The following C18orf32 variants were observed in gnomAD, a reference collection of about 807,000 sequenced individuals.
The protein encoded by C18orf32 is UPF0729 protein C18orf32.
Under a neutral mutation model 7.4 loss-of-function variants are expected in C18orf32, and 5 were observed. The ratio of observed to expected loss-of-function variants is 0.68; its 90% CI spans 0.35 to 1.42. C18orf32 has a LOEUF of 1.42. Among genes scored for constraint, C18orf32 ranks in the 40% most tolerant of loss-of-function variants. The probability of loss-of-function intolerance (pLI) is 0.04; values close to 1 mark genes in which losing one functional copy is unlikely to be tolerated. For missense variants in C18orf32, 88 were observed against 92.4 expected (o/e 0.95, Z 0.19); for synonymous variants, 30 against 29.3 (o/e 1.02, Z -0.08).
Position 49,479,704 on chromosome 18 carries a change from A to C in C18orf32, c.*2641T>G, listed in dbSNP as rs1201222439. On this transcript the variant is annotated 3_prime_UTR_variant, in exon 3 of 3. Transcript: ENST00000318240. ...TGGCCTGAGGTGACCTTGCAGAGAG[A>C]GGGCCAAGGGAATAAACACTCTGCC... is the stretch of plus-strand genomic sequence containing the variant. 2 of 152,202 alleles carry C rather than the reference A, an allele frequency of 1.3e-5. No individual in the cohort carries two copies. Among genetic ancestry groups the C allele is most frequent in the Admixed American group, 1.3e-4 (2 of 15,268 alleles). 9.4% of individuals were successfully genotyped at this position (152,202 alleles called of 1,614,324 possible). A position where few individuals can be genotyped will look rare whatever the true frequency, so the allele number is the denominator to read the frequency against.
rs1371172031 is a variant in C18orf32, at chr18:49,481,966, C to CA, written c.*378dup. On this transcript the variant is annotated 3_prime_UTR_variant, in exon 3 of 3. Coordinates refer to ENST00000318240, the MANE Select transcript of C18orf32 (RefSeq NM_001035005.4). Reference sequence around the variant, plus strand: ...ACTGTTTCACAACAAAATTGTACTCCACTCAAATTAGAAGAGCCCAAAGAA... The same window carrying CA: ...ACTGTTTCACAACAAAATTGTACTCCAACTCAAATTAGAAGAGCCCAAAGAA... 3 of 207,694 alleles carry CA rather than the reference C, an allele frequency of 1.4e-5. No homozygotes were observed. Among genetic ancestry groups the CA allele is most frequent in the African/African-American group, 4.8e-5 (2 of 41,794 alleles). 12.9% of individuals were successfully genotyped at this position (207,694 alleles called of 1,614,324 possible). A position where few individuals can be genotyped will look rare whatever the true frequency, so the allele number is the denominator to read the frequency against.
rs910878270 is a variant in C18orf32, at chr18:49,477,957, T to C, written c.*4388A>G. The stretch of plus-strand genomic sequence containing the variant: ...TATATATATATACACTATATATATA[T>C]GTAGCTGTGATGGCTCCTTAGCATG... On this transcript the variant is annotated 3_prime_UTR_variant, in exon 3 of 3. Coordinates refer to ENST00000318240, the MANE Select transcript of C18orf32 (RefSeq NM_001035005.4). 2.0e-5 allele frequency: 3 copies of C among 147,256 alleles called. No homozygotes were observed. Among genetic ancestry groups the C allele is most frequent in the Non-Finnish European group, 3.0e-5 (2 of 67,662 alleles). The allele number at this position is 147,256 out of a possible 1,614,324, so 9.1% of individuals were successfully genotyped here.
At chr18:49,482,903 A>C (rs954703389) in intron 2 of C18orf32, among the ~76,000 whole-genome samples, 3 of 151,302 alleles carry the variant, frequency 2.0e-5, no homozygotes, top group African/African-American at 7.3e-5. Context: ...GGTTCAAGCA[A>C]TTCTCCCACC....
At position 49,482,471 on chromosome 18, in the gene C18orf32, G is replaced by A; in HGVS notation, c.166-61C>T. On this transcript the variant is annotated intron_variant, in intron 2 of 2. Coordinates refer to ENST00000318240, the MANE Select transcript of C18orf32 (RefSeq NM_001035005.4). ...AAGCCGGGTGCGGTGGCTTATGCCTGTAATCCCAGCACTTTGGGAGGCTGA... is the reference window on the plus strand; with the variant it reads ...AAGCCGGGTGCGGTGGCTTATGCCTATAATCCCAGCACTTTGGGAGGCTGA... 5.0e-6 allele frequency: 6 copies of A among 1,199,760 alleles called. No individual in the cohort carries two copies. The South Asian group carries it at 6.2e-5, about 12-fold the overall frequency. The allele number at this position is 1,199,760 out of a possible 1,614,324, so 74.3% of individuals were successfully genotyped here. A position where few individuals can be genotyped will look rare whatever the true frequency, so the allele number is the denominator to read the frequency against.
rs1198515479 is a variant in C18orf32, at chr18:49,477,965, T to C, written c.*4380A>G. ...TATACACTATATATATATGTAGCTG[T>C]GATGGCTCCTTAGCATGAAAGTATG... On this transcript the variant is annotated 3_prime_UTR_variant, in exon 3 of 3. Transcript: ENST00000318240. 1 of 147,756 alleles carries C rather than the reference T, an allele frequency of 6.8e-6. No homozygotes were observed. Among genetic ancestry groups the C allele is most frequent in the Non-Finnish European group, 1.5e-5 (1 of 67,808 alleles). 9.2% of individuals were successfully genotyped at this position (147,756 alleles called of 1,614,324 possible). A position where few individuals can be genotyped will look rare whatever the true frequency, so the allele number is the denominator to read the frequency against.
rs1182709640 is a variant in C18orf32 at position 49,484,151 on chromosome 18, TATATATATATATATATACACAC to T, written c.-23-402_-23-381del. Among the ~76,000 whole-genome samples the T allele has an allele frequency of 5.0e-5, 3 of 60,408 alleles. No homozygotes were observed. The South Asian group carries it at 1.3e-3, about 27-fold the overall frequency. The allele number at this position is 60,408 out of a possible 152,430, so 39.6% of individuals were successfully genotyped here. A position where few individuals can be genotyped will look rare whatever the true frequency, so the allele number is the denominator to read the frequency against. ...CTCAAAAAAAGAAAAAAAAAAAATA[TATATATATATATATATACACAC>T]ACACACACACACACACACACACACA... On this transcript the variant is annotated intron_variant, in intron 1 of 2. Transcript: ENST00000318240.
intron 1 of C18orf32, chr18:49,486,088 A>G (rs1486471212): frequency 6.8e-6 from 1 of 148,066 alleles, no homozygotes; most frequent in Non-Finnish European, 1.5e-5. Context: ...CTCAAGATTA[A>G]AAAAAAAAAA....
At chr18:49,484,138 A>AG (rs1555769343) in intron 1 of C18orf32, among the ~76,000 whole-genome samples, 1 of 76,966 alleles carries the variant, frequency 1.3e-5, no homozygotes, top group Non-Finnish European at 2.4e-5. Flanking sequence ...CAAAAAAAGA[A>AG]AAAAAAAAAA....
chr18:49,482,604 A>G (rs1238543773), intron 2 of C18orf32, among the ~76,000 whole-genome samples, 194 bp from the exon 3 acceptor site: 3 of 151,840 alleles, frequency 2.0e-5, no homozygotes, highest in Non-Finnish European at 4.4e-5. Context: ...GCATGTGCCT[A>G]TAATCCCAGC....
chr18:49,487,228 T>G lies in C18orf32; in HGVS notation c.-209A>C, dbSNP rs988883911. The stretch of plus-strand genomic sequence containing the variant: ...TCACCCGCGACCGCGGAAACGCAGC[T>G]GACAATGTCCGCACTTCCGGAGGGA... On this transcript the variant is annotated 5_prime_UTR_variant, in exon 1 of 3. Transcript: ENST00000318240. 2.0e-5 allele frequency: 3 copies of G among 153,212 alleles called. No individual in the cohort carries two copies. The highest frequency in any genetic ancestry group is 4.8e-5 in the African/African-American group (2 of 41,452). 9.5% of individuals were successfully genotyped at this position (153,212 alleles called of 1,614,324 possible). A position where few individuals can be genotyped will look rare whatever the true frequency, so the allele number is the denominator to read the frequency against.
At chr18:49,482,845 C>CTGGA (rs1167625559) in intron 2 of C18orf32, among the ~76,000 whole-genome samples, 2 of 142,922 alleles carry the variant, frequency 1.4e-5, no homozygotes, top group Non-Finnish European at 3.0e-5. Flanking sequence ...GTCACCCAGG[C>CTGGA]TGGAGTGCAA....
In C18orf32 at chr18:49,479,487, A is replaced by C. The variant is rs2083643443; in HGVS notation, c.*2858T>G. ...GTGCAGTGAGCAATAGTATTCTCCC[A>C]GGCAGTGTCCCAGCAAGCCAGATAG... On this transcript the variant is annotated 3_prime_UTR_variant, in exon 3 of 3. Transcript: ENST00000318240. 1 of 152,552 alleles carries C rather than the reference A, an allele frequency of 6.6e-6. No individual in the cohort carries two copies. The highest frequency in any genetic ancestry group is 1.5e-5 in the Non-Finnish European group (1 of 68,306). The allele number at this position is 152,552 out of a possible 1,614,324, so 9.4% of individuals were successfully genotyped here.
rs2083638974 is a variant in C18orf32 at position 49,478,910 on chromosome 18, G to C, written c.*3435C>G. On this transcript the variant is annotated 3_prime_UTR_variant, in exon 3 of 3. Coordinates refer to ENST00000318240, the MANE Select transcript of C18orf32 (RefSeq NM_001035005.4). ...GGCTATTTTTGTCCACTATTCCCAT[G>C]TTCTTTTTCACTCTTCTGGTGTCAA... The C allele has an allele frequency of 7.1e-6, 1 of 140,788 alleles. No homozygotes were observed. Among genetic ancestry groups the C allele is most frequent in the African/African-American group, 3.2e-5 (1 of 30,838 alleles). The allele number at this position is 140,788 out of a possible 1,614,324, so 8.7% of individuals were successfully genotyped here. A position where few individuals can be genotyped will look rare whatever the true frequency, so the allele number is the denominator to read the frequency against.
chr18:49,482,800 CTTTTTT>C (rs11454920), intron 2 of C18orf32, among the ~76,000 whole-genome samples: 2 of 130,194 alleles, frequency 1.5e-5, no homozygotes, highest in East Asian at 4.3e-4. Flanking sequence ...CTGTCTCTCT[CTTTTTT>C]TTTTTTTTTG....
rs1453563351 is a variant in C18orf32 at position 49,479,401 on chromosome 18, G to GA, written c.*2943_*2944insT. Reference sequence around the variant, plus strand: ...GAGGTGTATGGGGAGAAGGTAAACTGGTCACTCCAGGAAGACACCACCTGT... The same window carrying GA: ...GAGGTGTATGGGGAGAAGGTAAACTGAGTCACTCCAGGAAGACACCACCTGT... On this transcript the variant is annotated 3_prime_UTR_variant, in exon 3 of 3. Coordinates refer to ENST00000318240, the MANE Select transcript of C18orf32 (RefSeq NM_001035005.4). 2.0e-5 allele frequency: 3 copies of GA among 152,284 alleles called. No individual in the cohort carries two copies. The highest frequency in any genetic ancestry group is 7.2e-5 in the African/African-American group (3 of 41,412). 9.4% of individuals were successfully genotyped at this position (152,284 alleles called of 1,614,324 possible). A position where few individuals can be genotyped will look rare whatever the true frequency, so the allele number is the denominator to read the frequency against.
At chr18:49,482,457 G>C (rs368150337) in intron 2 of C18orf32, 47 bp from the exon 3 acceptor site, 1 of 1,386,642 alleles carries the variant, frequency 7.2e-7, no homozygotes, top group Non-Finnish European at 1.0e-6. Flanking sequence ...AGCCGGGTGC[G>C]GTGGCTTATG....
chr18:49,482,858 AT>A (rs1030765016), intron 2 of C18orf32, among the ~76,000 whole-genome samples: 2 of 143,604 alleles, frequency 1.4e-5, no homozygotes, highest in African/African-American at 5.3e-5. Flanking sequence ...GAGTGCAATG[AT>A]GTGATCTCGG....
rs1262065462 is a variant in C18orf32 at position 49,480,574 on chromosome 18, AGGCAAC to A, written c.*1765_*1770del. On this transcript the variant is annotated 3_prime_UTR_variant, in exon 3 of 3. Coordinates refer to ENST00000318240, the MANE Select transcript of C18orf32 (RefSeq NM_001035005.4). ...GAGCCCAGGAGATCGAGATCAGCCC[AGGCAAC>A]ATGACGAAACCCTGTCTCTATAAAA... 6.6e-6 allele frequency: 1 copy of A among 152,124 alleles called. No individual in the cohort carries two copies. Among genetic ancestry groups the A allele is most frequent in the Non-Finnish European group, 1.5e-5 (1 of 68,056 alleles). 9.4% of individuals were successfully genotyped at this position (152,124 alleles called of 1,614,324 possible).
rs927287941 is a variant in C18orf32 at position 49,482,142 on chromosome 18, G to A, written c.*203C>T. 3 of 516,376 alleles carry A rather than the reference G, an allele frequency of 5.8e-6. No individual in the cohort carries two copies. The highest frequency in any genetic ancestry group is 1.0e-5 in the Non-Finnish European group (3 of 294,928). The allele number at this position is 516,376 out of a possible 1,614,324, so 32.0% of individuals were successfully genotyped here. A position where few individuals can be genotyped will look rare whatever the true frequency, so the allele number is the denominator to read the frequency against. ...AATGAAAGCTACATTAACGAAAAAG[G>A]AACTTAGGAATGAGGTCATTAAATA... On this transcript the variant is annotated 3_prime_UTR_variant, in exon 3 of 3. Coordinates refer to ENST00000318240, the MANE Select transcript of C18orf32 (RefSeq NM_001035005.4).
Sources: allele counts gnomAD v4.1 joint callset (sites outside exome capture counted in the v4.1 genomes callset), GRCh38; gene constraint gnomAD v4.1.1; transcripts MANE v1.5; gene names NCBI Gene and HGNC (gene_info 2026-07-23, HGNC 2026-07-21).